Variants in ANXA2 observed in about 807,000 individuals in gnomAD.
ANXA2 encodes the protein annexin II.
ANXA2 carries 28 observed loss-of-function variants against 47.3 expected under a neutral mutation model. That is an observed-to-expected ratio of 0.59 (90% CI 0.44 to 0.81). ANXA2 has a LOEUF of 0.81. ANXA2 is among the 40% of genes least tolerant of loss of function. The pLI, the probability that ANXA2 is intolerant of heterozygous loss-of-function variation, is 0.00. For missense variants in ANXA2, 384 were observed against 414.3 expected (o/e 0.93, Z 0.64); for synonymous variants, 172 against 155.5 (o/e 1.11, Z -0.79).
chr15:60,380,663 G>A (rs767652922), intron 3 of ANXA2, among the ~76,000 whole-genome samples: 1 of 151,654 alleles, frequency 6.6e-6, no homozygotes, highest in Non-Finnish European at 1.5e-5. Flanking sequence ...AATTAGCTGG[G>A]CATGGTGGTG....
At chr15:60,357,832 T>C (rs1470508312) in intron 5 of ANXA2, among the ~76,000 whole-genome samples, 1 of 151,764 alleles carries the variant, frequency 6.6e-6, no homozygotes, top group Non-Finnish European at 1.5e-5. Flanking sequence ...GAGGCAGCAA[T>C]AGAATATGCC....
intron 2 of ANXA2, 115 bp downstream of exon 2, chr15:60,385,913 T>C (rs1401296406): frequency 4.7e-6 from 3 of 643,690 alleles, no homozygotes; most frequent in African/African-American, 3.7e-5. Context: ...AACCAAATGA[T>C]GACTGTCTGA....
chr15:60,387,988 G>A (rs1385961622), intron 1 of ANXA2, among the ~76,000 whole-genome samples: 1 of 152,132 alleles, frequency 6.6e-6, no homozygotes, highest in East Asian at 1.9e-4. Flanking sequence ...AGGAGATAGA[G>A]ACCAGCCTGG....
intron 10 of ANXA2, chr15:60,351,487 CCA>C: frequency 1.6e-6 from 1 of 614,704 alleles, no homozygotes; most frequent in Non-Finnish European, 2.9e-6. Context: ...ACGTGAGTTT[CCA>C]CAACACACCC....
chr15:60,376,364 G>A (rs947608147), intron 3 of ANXA2, among the ~76,000 whole-genome samples: 1 of 150,934 alleles, frequency 6.6e-6, no homozygotes, highest in Admixed American at 6.6e-5. Context: ...TGGGCAACAA[G>A]AGCAAAACTC....
At chr15:60,371,482 G>C (rs943954643) in intron 3 of ANXA2, among the ~76,000 whole-genome samples, 2 of 152,162 alleles carry the variant, frequency 1.3e-5, no homozygotes, top group South Asian at 4.1e-4. Flanking sequence ...CAGCTCAAGC[G>C]CCTGGCATTC....
intron 1 of ANXA2, among the ~76,000 whole-genome samples, chr15:60,394,980 A>ATC (rs2063062056): frequency 6.6e-6 from 1 of 150,518 alleles, no homozygotes; most frequent in Non-Finnish European, 1.5e-5. Flanking sequence ...GCAAGTGAAG[A>ATC]GGATTCTCAT....
chr15:60,377,620 A>T (rs1013230771), intron 3 of ANXA2, among the ~76,000 whole-genome samples: 30 of 152,332 alleles, frequency 2.0e-4, no homozygotes, highest in African/African-American at 7.0e-4. Flanking sequence ...AACTAAATTT[A>T]AAAAATACTT....
intron 10 of ANXA2, 37 bp from the exon 11 acceptor site, chr15:60,351,288 C>T: frequency 6.2e-7 from 1 of 1,602,856 alleles, no homozygotes; most frequent in East Asian, 2.2e-5. Context: ...GCTGCAGCTG[C>T]TCTGGTCTCT....
At chr15:60,397,523 G>A (rs2063097087) in intron 1 of ANXA2, among the ~76,000 whole-genome samples, 2 of 152,128 alleles carry the variant, frequency 1.3e-5, no homozygotes, top group Admixed American at 1.3e-4. Context: ...TTTCTAGAGG[G>A]CAGTGGAAAG....
In ANXA2 at chr15:60,349,056, C is replaced by A. The variant is rs758410205; in HGVS notation, c.960+19G>T. ...TGCTCTGGACGGCAGGGCAGGCTGACACTGCACCTCGGGCTTACCTGGATA... is the reference window on the plus strand; with the variant it reads ...TGCTCTGGACGGCAGGGCAGGCTGAAACTGCACCTCGGGCTTACCTGGATA... On this transcript the variant is annotated intron_variant, in intron 12 of 12. Transcript: ENST00000451270. 21 of 1,613,784 alleles carry A rather than the reference C, an allele frequency of 1.3e-5. No homozygotes were observed. Among genetic ancestry groups the A allele is most frequent in the African/African-American group, 2.7e-5 (2 of 75,038 alleles).
In ANXA2 at chr15:60,368,316, A is replaced by AAAAAAAAATAAAAT. The variant is rs1555401433; in HGVS notation, c.149-3794_149-3793insATTTTATTTTTTTT. Among the ~76,000 whole-genome samples, 392 of 113,956 alleles carry AAAAAAAAATAAAAT rather than the reference A, an allele frequency of 3.4e-3. 2 individuals carry two copies. Among genetic ancestry groups the AAAAAAAAATAAAAT allele is most frequent in the East Asian group, 0.031 (123 of 4,010 alleles). The allele number at this position is 113,956 out of a possible 152,430, so 74.8% of individuals were successfully genotyped here. ...CACCCAAGAATGATCAATAAAAAAA[A>AAAAAAAAATAAAAT]AAAATAAAATAAAATAAAATAAAAT... On this transcript the variant is annotated intron_variant, in intron 3 of 12. Transcript: ENST00000451270.
chr15:60,348,873 C>G (rs1264428748), intron 12 of ANXA2, among the ~76,000 whole-genome samples: 1 of 151,900 alleles, frequency 6.6e-6, no homozygotes. Context: ...AAATATAAAA[C>G]ATCTGCCTGA....
At chr15:60,354,033 T>A (rs2062387330) in intron 8 of ANXA2, 121 bp downstream of exon 8, 1 of 691,864 alleles carries the variant, frequency 1.4e-6, no homozygotes, top group Non-Finnish European at 2.4e-6. Flanking sequence ...AAATAATACA[T>A]GTTTGTTGTT....
chr15:60,393,529 C>T (rs1034446829), intron 1 of ANXA2: 38 of 987,242 alleles, frequency 3.8e-5, no homozygotes, highest in Non-Finnish European at 4.5e-5. Flanking sequence ...TACACACACA[C>T]ATGCATACAC....
intron 3 of ANXA2, among the ~76,000 whole-genome samples, chr15:60,365,777 C>G (rs2140848180): frequency 6.6e-6 from 1 of 151,862 alleles, no homozygotes; most frequent in Non-Finnish European, 1.5e-5. Context: ...AACTTTAGCT[C>G]TCATTTTTAG....
intron 1 of ANXA2, chr15:60,394,711 A>C (rs1441822079): frequency 1.3e-5 from 1 of 77,014 alleles, no homozygotes; most frequent in Non-Finnish European, 3.2e-5. Context: ...AAGAAAAAAA[A>C]AAGAAAAAAA....
At chr15:60,349,542 A>T (rs899055493) in intron 11 of ANXA2, among the ~76,000 whole-genome samples, 1 of 152,166 alleles carries the variant, frequency 6.6e-6, no homozygotes, top group African/African-American at 2.4e-5. Context: ...AATAAATCTG[A>T]GATATAAAAC....
At position 60,351,319 on chromosome 15, in the gene ANXA2, T is replaced by G. The variant is rs566437863; in HGVS notation, c.779-68A>C. 7.2e-6 allele frequency: 11 copies of G among 1,522,484 alleles called. No homozygotes were observed. In the African/African-American group the frequency reaches 1.5e-4, roughly 21 times the overall value. 94.3% of individuals were successfully genotyped at this position (1,522,484 alleles called of 1,614,324 possible). On this transcript the variant is annotated intron_variant, in intron 10 of 12. Transcript: ENST00000451270. ...TCTCTCCTCTACCAATGAGAGAGGA[T>G]GCCCTGGCCCTGGGCCACAAACCAG...
Sources: allele counts gnomAD v4.1 joint callset (sites outside exome capture counted in the v4.1 genomes callset), GRCh38; gene constraint gnomAD v4.1.1; transcripts MANE v1.5; gene names NCBI Gene and HGNC (gene_info 2026-07-23, HGNC 2026-07-21).